The following ZNF831 variants were observed in gnomAD, a reference collection of about 807,000 sequenced individuals.
ZNF831 encodes the protein chromosome 20 open reading frame 174.
A neutral mutation model predicts 95.8 loss-of-function variants in ZNF831; 59 were observed. The observed-to-expected ratio is 0.62, with a 90% CI of 0.50 to 0.77. The LOEUF is 0.77. Among genes scored for constraint, ZNF831 ranks in the 30% least tolerant of loss-of-function variants. The pLI, the probability that ZNF831 is intolerant of heterozygous loss-of-function variation, is 0.00. For missense variants in ZNF831, 2,205 were observed against 2,164.0 expected, an observed-to-expected ratio of 1.02 and a Z score of -0.38; for synonymous variants, 961 against 925.5, an observed-to-expected ratio of 1.04 and a Z score of -0.70.
intron 4 of ZNF831, among the ~76,000 whole-genome samples, chr20:59,235,987 T>A (rs891978774): frequency 2.0e-5 from 3 of 152,196 alleles, no homozygotes; most frequent in African/African-American, 7.2e-5. Context: ...TTTTTGAAGG[T>A]TGCTTTTGCA....
At chr20:59,227,798 C>A (rs781636764) in intron 4 of ZNF831, among the ~76,000 whole-genome samples, 2 of 151,930 alleles carry the variant, frequency 1.3e-5, no homozygotes, top group Non-Finnish European at 2.9e-5. Context: ...ATTATGGGCC[C>A]ATTTTTTTTC....
At chr20:59,150,708 C>A (rs1471311265) in intron 2 of ZNF831, among the ~76,000 whole-genome samples, 1 of 152,172 alleles carries the variant, frequency 6.6e-6, no homozygotes, top group Non-Finnish European at 1.5e-5. Flanking sequence ...CCAGCACACG[C>A]TGTCATTTTG....
chr20:59,245,206 T>G (rs1168026413), intron 4 of ZNF831, among the ~76,000 whole-genome samples: 1 of 152,180 alleles, frequency 6.6e-6, no homozygotes, highest in East Asian at 1.9e-4. Flanking sequence ...GCCACAGATG[T>G]GTTGGGTAGC....
At chr20:59,230,246 A>G (rs1374110514) in intron 4 of ZNF831, among the ~76,000 whole-genome samples, 1 of 152,194 alleles carries the variant, frequency 6.6e-6, no homozygotes, top group Non-Finnish European at 1.5e-5. Context: ...CAACTATTCA[A>G]TACCATTGTG....
chr20:59,224,544 C>G (rs1986314314), intron 4 of ZNF831, among the ~76,000 whole-genome samples: 1 of 152,224 alleles, frequency 6.6e-6, no homozygotes, highest in African/African-American at 2.4e-5. Context: ...GCCCTGCTAG[C>G]TTCACTCCTT....
intron 2 of ZNF831, among the ~76,000 whole-genome samples, chr20:59,150,088 G>A (rs1434723215): frequency 4.6e-5 from 7 of 152,226 alleles, no homozygotes; most frequent in Admixed American, 3.3e-4. Context: ...GTGGCCTCAC[G>A]TTCACAATGG....
chr20:59,128,242 C>A (rs1979239363), intron 1 of ZNF831, among the ~76,000 whole-genome samples: 1 of 152,186 alleles, frequency 6.6e-6, no homozygotes, highest in African/African-American at 2.4e-5. Flanking sequence ...TTTAAAAAAT[C>A]AGGTATAATT....
chr20:59,226,771 G>A (rs1466624406), intron 4 of ZNF831, among the ~76,000 whole-genome samples: 2 of 151,666 alleles, frequency 1.3e-5, no homozygotes, highest in Admixed American at 1.3e-4. Flanking sequence ...ATGCATCTTT[G>A]ATAATGTCTT....
chr20:59,193,981 C>G lies in ZNF831; in HGVS notation c.2962C>G (p.Leu988Val). ...TGTTGGGTCAGGACTGGGGACCCCT[C>G]TTTCTCCCAGCCCAGCCTCAGGCCC... ...SFVGSGLGTP[L>V]SPSPASGPSP... The change falls in exon 2 of 6, where the codon CTT becomes GTT. Residue 988 changes from leucine to valine, a missense_variant. Transcript: ENST00000371030. The G allele has an allele frequency of 6.5e-7, 1 of 1,536,986 alleles. No homozygotes were observed. Among genetic ancestry groups the G allele is most frequent in the African/African-American group, 1.4e-5 (1 of 72,788 alleles).
chr20:59,221,354 TGAC>T (rs1366141569), intron 4 of ZNF831, among the ~76,000 whole-genome samples: 1 of 152,044 alleles, frequency 6.6e-6, no homozygotes, highest in Admixed American at 6.5e-5. Flanking sequence ...GTTGAGAAAA[TGAC>T]GAAACTGGAA....
intron 4 of ZNF831, among the ~76,000 whole-genome samples, chr20:59,215,653 G>A (rs1985628441): frequency 6.6e-6 from 1 of 152,156 alleles, no homozygotes; most frequent in Admixed American, 6.5e-5. Context: ...ATTGATCTGG[G>A]GATCAGCACT....
chr20:59,200,149 C>T (rs1984422619), intron 3 of ZNF831, among the ~76,000 whole-genome samples: 2 of 152,044 alleles, frequency 1.3e-5, no homozygotes, highest in Admixed American at 6.6e-5. Flanking sequence ...TTTGGTGTTC[C>T]ATAGTTTTAC....
chr20:59,243,342 A>G (rs1987431825), intron 4 of ZNF831, among the ~76,000 whole-genome samples: 3 of 152,242 alleles, frequency 2.0e-5, no homozygotes, highest in Non-Finnish European at 4.4e-5. Flanking sequence ...TTTTAGAGGT[A>G]AAAGGTTTAC....
chr20:59,165,851 G>A (rs1428937229), intron 1 of ZNF831, among the ~76,000 whole-genome samples: 1 of 152,090 alleles, frequency 6.6e-6, no homozygotes, highest in Non-Finnish European at 1.5e-5. Flanking sequence ...CTGGGTTAAA[G>A]CGATTCTTCT....
At chr20:59,194,913 C>T (rs1983974331) in intron 2 of ZNF831, among the ~76,000 whole-genome samples, 156 bp downstream of exon 2, 1 of 152,174 alleles carries the variant, frequency 6.6e-6, no homozygotes, top group South Asian at 2.1e-4. Flanking sequence ...ACCACATAGA[C>T]AGCAGGAAGG....
At chr20:59,214,072 A>G (rs1985518985) in intron 4 of ZNF831, among the ~76,000 whole-genome samples, 1 of 152,210 alleles carries the variant, frequency 6.6e-6, no homozygotes, top group Non-Finnish European at 1.5e-5. Context: ...CTGAACAGAA[A>G]TTCTCGTGCA....
At chr20:59,137,101 C>T (rs1213444814) in intron 1 of ZNF831, among the ~76,000 whole-genome samples, 1 of 152,190 alleles carries the variant, frequency 6.6e-6, no homozygotes, top group Admixed American at 6.5e-5. Context: ...CATCACCCAC[C>T]TCTGGACTGT....
chr20:59,137,915 A>G (rs1462458219), intron 1 of ZNF831, among the ~76,000 whole-genome samples: 1 of 151,872 alleles, frequency 6.6e-6, no homozygotes, highest in Non-Finnish European at 1.5e-5. Flanking sequence ...TTGCTATCCC[A>G]GAGAAAATTG....
chr20:59,166,132 A>G (rs1356581007), intron 1 of ZNF831, among the ~76,000 whole-genome samples: 1 of 152,144 alleles, frequency 6.6e-6, no homozygotes, highest in East Asian at 1.9e-4. Context: ...AGTGATGTCA[A>G]TTTTCCTTTG....
Sources: allele counts gnomAD v4.1 joint callset (sites outside exome capture counted in the v4.1 genomes callset), GRCh38; gene constraint gnomAD v4.1.1; transcripts MANE v1.5; gene names NCBI Gene and HGNC (gene_info 2026-07-23, HGNC 2026-07-21).